The following MAP3K15 variants were observed in gnomAD, a reference collection of about 807,000 sequenced individuals.
The protein encoded by MAP3K15 is mitogen-activated protein kinase kinase kinase 15.
A neutral mutation model predicts 99.5 loss-of-function variants in MAP3K15; 124 were observed. That is an observed-to-expected ratio of 1.25 (90% CI 1.08 to 1.45). The LOEUF (loss-of-function observed/expected upper bound fraction) is 1.45. Among genes scored for constraint, MAP3K15 ranks in the 40% most tolerant of loss-of-function variants. The probability of loss-of-function intolerance (pLI) is 0.00; values close to 1 mark genes in which losing one functional copy is unlikely to be tolerated. For synonymous variants in MAP3K15, 494 were observed against 439.6 expected (o/e 1.12, Z -1.55); for missense variants, 1,242 against 1,079.7 (o/e 1.15, Z -2.11).
At chrX:19,456,022 G>A (rs765910431) in intron 6 of MAP3K15, among the ~76,000 whole-genome samples, 4 of 111,327 alleles carry the variant, frequency 3.6e-5, no homozygotes, top group Non-Finnish European at 7.5e-5. Flanking sequence ...TTGGGATGCT[G>A]GGTTTAAAGG....
rs2064326965 is a variant in MAP3K15, at chrX:19,486,516, AAAG to A, written c.502-14_502-12del. ...TTGAGTTACCATGTCCTGAAAAGAA[AAAG>A]AAAAGATGAATATAGCTTTTTGTAA... On this transcript the variant is annotated splice_polypyrimidine_tract_variant and intron_variant, in intron 2 of 28. Transcript: ENST00000338883. The A allele has an allele frequency of 1.1e-6, 1 of 879,662 alleles. No individual in the cohort carries two copies. Among genetic ancestry groups the A allele is most frequent in the Non-Finnish European group, 1.5e-6 (1 of 651,051 alleles). 72.5% of individuals were successfully genotyped at this position (879,662 alleles called of 1,213,427 possible).
intron 1 of MAP3K15, chrX:19,497,443 T>G (rs1487934476): frequency 2.7e-5 from 3 of 111,679 alleles, no homozygotes; most frequent in Non-Finnish European, 5.6e-5. Context: ...ATTACAGGCA[T>G]GAGCCACCAC....
chrX:19,452,961 C>T (rs373901497), intron 6 of MAP3K15, among the ~76,000 whole-genome samples: 1 of 110,329 alleles, frequency 9.1e-6, no homozygotes, highest in Non-Finnish European at 1.9e-5. Context: ...TAGTGCTGTA[C>T]GATTTCACTT....
chrX:19,379,488 C>T (rs1227453907), intron 19 of MAP3K15, among the ~76,000 whole-genome samples: 1 of 95,598 alleles, frequency 1.0e-5, no homozygotes, highest in African/African-American at 3.9e-5. Flanking sequence ...CTTGCTGTCA[C>T]CCAGGCGGGA....
chrX:19,412,553 G>T (rs28580701), intron 11 of MAP3K15, among the ~76,000 whole-genome samples: 25,589 of 110,101 alleles, frequency 0.23, 5,904 homozygotes, highest in African/African-American at 0.72. Context: ...GCTCAGGGGC[G>T]AGTAAGAGGA....
intron 3 of MAP3K15, among the ~76,000 whole-genome samples, chrX:19,474,263 T>C (rs979572973): frequency 9.0e-6 from 1 of 111,134 alleles, no homozygotes; most frequent in African/African-American, 3.3e-5. Flanking sequence ...AGAAACAAAG[T>C]ATCATCTCAA....
chrX:19,436,689 C>T (rs779162579), intron 6 of MAP3K15, among the ~76,000 whole-genome samples: 4 of 110,871 alleles, frequency 3.6e-5, no homozygotes, highest in African/African-American at 9.8e-5. Flanking sequence ...TTTTTTTTGT[C>T]CCCCTCAGAC....
At chrX:19,410,934 G>T (rs767535266) in intron 11 of MAP3K15, among the ~76,000 whole-genome samples, 1 of 111,448 alleles carries the variant, frequency 9.0e-6, no homozygotes, top group African/African-American at 3.3e-5. Flanking sequence ...TAATCCCAGC[G>T]CTCTGGGAGG....
At chrX:19,403,077 A>ACTCCCTC (rs2063620353) in intron 13 of MAP3K15, among the ~76,000 whole-genome samples, 1 of 111,582 alleles carries the variant, frequency 9.0e-6, no homozygotes, top group African/African-American at 3.3e-5. Flanking sequence ...AAAAATCAAA[A>ACTCCCTC]CAGTTATCAC....
chrX:19,477,443 C>T (rs1274197639), intron 3 of MAP3K15, among the ~76,000 whole-genome samples: 32 of 111,397 alleles, frequency 2.9e-4, no homozygotes, highest in Non-Finnish European at 4.9e-4. Flanking sequence ...GTGGCTCATG[C>T]CTGTAACCCC....
At chrX:19,375,350 C>G (rs2063409615) in intron 19 of MAP3K15, among the ~76,000 whole-genome samples, 1 of 111,333 alleles carries the variant, frequency 9.0e-6, no homozygotes, top group South Asian at 3.8e-4. Flanking sequence ...ATCCACAGCC[C>G]AGATTCCCAG....
At chrX:19,486,444 A>T in intron 3 of MAP3K15, 38 bp downstream of exon 3, 1 of 665,703 alleles carries the variant, frequency 1.5e-6, no homozygotes, top group Non-Finnish European at 2.1e-6. Flanking sequence ...ATTTACATTT[A>T]ATTTCAGAAT....
intron 6 of MAP3K15, among the ~76,000 whole-genome samples, chrX:19,450,909 C>T (rs1452285479): frequency 9.2e-6 from 1 of 108,668 alleles, no homozygotes; most frequent in Non-Finnish European, 1.9e-5. Flanking sequence ...ATACAACTGG[C>T]TTTTTGTTAT....
chrX:19,409,696 G>A (rs1235552181), intron 12 of MAP3K15, among the ~76,000 whole-genome samples: 1 of 111,978 alleles, frequency 8.9e-6, no homozygotes, highest in Non-Finnish European at 1.9e-5. Context: ...AGTTTAGTCT[G>A]CTGAATATGA....
chrX:19,420,015 G>A (rs999048370), intron 9 of MAP3K15, among the ~76,000 whole-genome samples: 1 of 111,780 alleles, frequency 8.9e-6, no homozygotes, highest in Non-Finnish European at 1.9e-5. Context: ...CAACATACCA[G>A]AATCTCTGGG....
In MAP3K15 at chrX:19,374,660, C is replaced by G. The variant is rs1312320269; in HGVS notation, c.2590G>C (p.Val864Leu). 8.3e-7 allele frequency: 1 copy of G among 1,207,604 alleles called. No individual in the cohort carries two copies. The highest frequency in any genetic ancestry group is 2.2e-5 in the Admixed American group (1 of 45,710). The change falls in exon 20 of 29, where the codon GTG (valine) becomes CTG (leucine). Residue 864 changes from valine (V) to leucine (L), a missense_variant and splice_region_variant. By Grantham distance (32) the Val-to-Leu change is conservative. Coordinates refer to ENST00000338883, the MANE Select transcript of MAP3K15 (RefSeq NM_001001671.4). ...LGEPQAAMFKVGMFKIHPEIP... is the reference protein window; with the variant it reads ...LGEPQAAMFKLGMFKIHPEIP... ...TCAGGGTGGATCTTAAACATGCCCACCTGCATTTAAGGGAGAGGTAACCGA... is the reference window on the plus strand; with the variant it reads ...TCAGGGTGGATCTTAAACATGCCCAGCTGCATTTAAGGGAGAGGTAACCGA...
chrX:19,510,392 T>C (rs1419687124), intron 1 of MAP3K15, among the ~76,000 whole-genome samples: 2 of 112,054 alleles, frequency 1.8e-5, no homozygotes, highest in East Asian at 5.5e-4. Context: ...TGGTTCAACA[T>C]ACGCAAATCA....
chrX:19,414,040 A>G (rs776755694), intron 10 of MAP3K15, among the ~76,000 whole-genome samples: 1 of 109,055 alleles, frequency 9.2e-6, no homozygotes, highest in Non-Finnish European at 1.9e-5. Flanking sequence ...ATACACCTGT[A>G]ATCCCAGCTA....
chrX:19,372,838 A>G lies in MAP3K15; in HGVS notation c.2934-11T>C. ...CTCTCGTCTGGAACACTGTGGACAA[A>G]CACGTGTGACAATCTCTGTGCGTGC... On this transcript the variant is annotated splice_polypyrimidine_tract_variant and intron_variant, in intron 21 of 28. Coordinates refer to ENST00000338883, the MANE Select transcript of MAP3K15 (RefSeq NM_001001671.4). 8.3e-7 allele frequency: 1 copy of G among 1,198,942 alleles called. No homozygotes were observed.
Sources: allele counts gnomAD v4.1 joint callset (sites outside exome capture counted in the v4.1 genomes callset), GRCh38; gene constraint gnomAD v4.1.1; transcripts MANE v1.5; gene names NCBI Gene and HGNC (gene_info 2026-07-23, HGNC 2026-07-21).